The following FAM240B variants were observed in gnomAD, a reference collection of about 807,000 sequenced individuals.
FAM240B encodes the protein protein FAM240B.
chr9:38,709,545 A>G (rs562983563), intron 1 of FAM240B, among the ~76,000 whole-genome samples: 1 of 152,284 alleles, frequency 6.6e-6, no homozygotes, highest in Admixed American at 6.5e-5. Context: ...TGCCATATGC[A>G]TATGGTGGTG....
chr9:38,698,935 G>A (rs764567938), intron 2 of FAM240B, among the ~76,000 whole-genome samples: 2 of 152,054 alleles, frequency 1.3e-5, no homozygotes, highest in Non-Finnish European at 1.5e-5. Context: ...TCAGTAAACC[G>A]GTGAATAAAA....
intron 1 of FAM240B, among the ~76,000 whole-genome samples, chr9:38,705,729 A>AG (rs1281840085): frequency 6.6e-6 from 1 of 152,248 alleles, no homozygotes; most frequent in Admixed American, 6.5e-5. Context: ...GAGGGGCAGC[A>AG]GGAGCTTCCC....
intron 1 of FAM240B, among the ~76,000 whole-genome samples, chr9:38,714,286 A>G (rs116065166): frequency 0.01 from 1,568 of 152,352 alleles, 17 homozygotes; most frequent in African/African-American, 0.036. Context: ...AGAACACCAC[A>G]GTAATAATTA....
At chr9:38,696,782 C>A (rs1315339681) in intron 2 of FAM240B, among the ~76,000 whole-genome samples, 1 of 152,130 alleles carries the variant, frequency 6.6e-6, no homozygotes, top group Non-Finnish European at 1.5e-5. Flanking sequence ...CCACTGCACT[C>A]CAGCTTGGGC....
intron 1 of FAM240B, among the ~76,000 whole-genome samples, chr9:38,715,942 T>C (rs544211801): frequency 6.6e-6 from 1 of 152,336 alleles, no homozygotes; most frequent in South Asian, 2.1e-4. Flanking sequence ...TGCAGTTTTA[T>C]TGGTCACAAC....
rs920456676 is a variant in FAM240B at position 38,713,253 on chromosome 9, C to T, written c.-4+6769G>A. Among the ~76,000 whole-genome samples the T allele has an allele frequency of 9.9e-5, 15 of 152,150 alleles. No individual in the cohort carries two copies. In the South Asian group the frequency reaches 2.1e-3, roughly 21 times the overall value. On this transcript the variant is annotated intron_variant, in intron 1 of 2. Transcript: ENST00000637493. Reference sequence around the variant, plus strand: ...CAGCACTTTGGGAGGCTAAGGCAGACGGATCACGAGGTCAGGAGATCGAGA... The same window carrying T: ...CAGCACTTTGGGAGGCTAAGGCAGATGGATCACGAGGTCAGGAGATCGAGA...
chr9:38,719,534 G>A (rs557702415), intron 1 of FAM240B, among the ~76,000 whole-genome samples: 1 of 152,244 alleles, frequency 6.6e-6, no homozygotes, highest in African/African-American at 2.4e-5. Flanking sequence ...TATCAACTCA[G>A]ACGAAAGGGA....
At chr9:38,710,450 T>G (rs916786166) in intron 1 of FAM240B, among the ~76,000 whole-genome samples, 3 of 152,240 alleles carry the variant, frequency 2.0e-5, no homozygotes, top group African/African-American at 7.2e-5. Flanking sequence ...CTGGTTATTT[T>G]TATAATAAAC....
At chr9:38,695,003 A>C (rs1161766795) in intron 2 of FAM240B, 134 bp from the exon 3 acceptor site, 1 of 393,910 alleles carries the variant, frequency 2.5e-6, no homozygotes. Flanking sequence ...CCCTGTGTCC[A>C]TGTGTTCTCA....
intron 1 of FAM240B, among the ~76,000 whole-genome samples, chr9:38,717,393 A>T (rs1490285598): frequency 6.6e-6 from 1 of 152,060 alleles, no homozygotes; most frequent in Non-Finnish European, 1.5e-5. Context: ...ATCCTGGCCA[A>T]CAGGGTGAAA....
Position 38,694,531 on chromosome 9 carries a change from TC to T in FAM240B, c.*244del, listed in dbSNP as rs1821043761. On this transcript the variant is annotated 3_prime_UTR_variant, in exon 3 of 3. Coordinates refer to ENST00000637493, the MANE Select transcript of FAM240B (RefSeq NM_001394922.1). ...CCTGGAGAGTGCTAATTCCAAGAGC[TC>T]TTTTATTAAATAGCCCAAGCGTCCT... The T allele has an allele frequency of 2.8e-6, 1 of 358,836 alleles. No homozygotes were observed. The highest frequency in any genetic ancestry group is 2.1e-5 in the African/African-American group (1 of 47,826). The allele number at this position is 358,836 out of a possible 1,614,324, so 22.2% of individuals were successfully genotyped here.
intron 1 of FAM240B, among the ~76,000 whole-genome samples, chr9:38,716,705 C>G (rs1320843237): frequency 6.6e-6 from 1 of 152,204 alleles, no homozygotes; most frequent in African/African-American, 2.4e-5. Flanking sequence ...CTCTGCTTCA[C>G]CAAACTGCCA....
intron 1 of FAM240B, among the ~76,000 whole-genome samples, chr9:38,712,682 A>G (rs1821269493): frequency 6.6e-6 from 1 of 152,212 alleles, no homozygotes; most frequent in Non-Finnish European, 1.5e-5. Flanking sequence ...GTGAACAATG[A>G]ATCACATTTG....
At chr9:38,705,905 ACT>A (rs200392389) in intron 1 of FAM240B, among the ~76,000 whole-genome samples, 8,364 of 152,106 alleles carry the variant, frequency 0.055, 314 homozygotes, top group Non-Finnish European at 0.086. Context: ...GCTGCCCTAG[ACT>A]ACATGCTGCT....
chr9:38,714,601 A>C (rs1013472882), intron 1 of FAM240B, among the ~76,000 whole-genome samples: 2 of 152,220 alleles, frequency 1.3e-5, no homozygotes, highest in African/African-American at 2.4e-5. Context: ...AGTATTGTGG[A>C]TATCATGTGT....
intron 1 of FAM240B, among the ~76,000 whole-genome samples, chr9:38,716,481 T>TAAA (rs549504637): frequency 6.6e-6 from 1 of 151,588 alleles, no homozygotes; most frequent in Non-Finnish European, 1.5e-5. Context: ...TTAAATAAAA[T>TAAA]AATTTTTTTA....
At position 38,694,758 on chromosome 9, in the gene FAM240B, C is replaced by T. The variant is rs1821047042; in HGVS notation, c.*18G>A. ...AGTGGTCGCTTGCTATCTTTGAAGTCGGTGAGGCAGGCAGAGCTCAGTCCG... is the reference window on the plus strand; with the variant it reads ...AGTGGTCGCTTGCTATCTTTGAAGTTGGTGAGGCAGGCAGAGCTCAGTCCG... On this transcript the variant is annotated 3_prime_UTR_variant, in exon 3 of 3. Coordinates refer to ENST00000637493, the MANE Select transcript of FAM240B (RefSeq NM_001394922.1). The T allele has an allele frequency of 7.5e-6, 3 of 398,436 alleles. No individual in the cohort carries two copies. In the South Asian group the frequency reaches 3.8e-4, roughly 51 times the overall value. 24.7% of individuals were successfully genotyped at this position (398,436 alleles called of 1,614,324 possible). A position where few individuals can be genotyped will look rare whatever the true frequency, so the allele number is the denominator to read the frequency against.
chr9:38,702,142 A>G (rs1821136080), intron 2 of FAM240B, among the ~76,000 whole-genome samples: 1 of 152,176 alleles, frequency 6.6e-6, no homozygotes, highest in African/African-American at 2.4e-5. Flanking sequence ...GGGGGACGGA[A>G]GATGGTGGGG....
At chr9:38,710,079 C>A (rs1821237379) in intron 1 of FAM240B, among the ~76,000 whole-genome samples, 1 of 152,182 alleles carries the variant, frequency 6.6e-6, no homozygotes, top group South Asian at 2.1e-4. Flanking sequence ...AAGCAATTCT[C>A]CTGCCTTAGC....
Sources: gnomAD v4.1 joint callset for allele counts (sites outside exome capture counted in the v4.1 genomes callset) on GRCh38, gnomAD v4.1.1 for gene constraint, MANE v1.5 for transcripts, NCBI Gene and HGNC (gene_info 2026-07-23, HGNC 2026-07-21) for gene names.